The following SCHIP1 variants were observed in gnomAD, a reference collection of about 807,000 sequenced individuals.
SCHIP1 encodes schwannomin-interacting protein 1.
In SCHIP1, 8 loss-of-function variants were observed where a neutral mutation model predicts 29.7. That is an observed-to-expected ratio of 0.27 (90% CI 0.16 to 0.49). SCHIP1 has a LOEUF of 0.49. Ranked by LOEUF, SCHIP1 falls within the 20% of genes least tolerant of loss-of-function variation. The pLI, the probability that SCHIP1 is intolerant of heterozygous loss-of-function variation, is 0.99. For missense variants in SCHIP1, 193 were observed against 294.6 expected, an observed-to-expected ratio of 0.66 and a Z score of 2.52; for synonymous variants, 76 against 94.9, an observed-to-expected ratio of 0.80 and a Z score of 1.16.
intron 2 of SCHIP1, among the ~76,000 whole-genome samples, chr3:159,877,251 G>A (rs1715920118): frequency 6.6e-6 from 1 of 152,204 alleles, no homozygotes; most frequent in South Asian, 2.1e-4. Flanking sequence ...TCAGGAGGCT[G>A]AGGCAGGAGA....
the SCHIP1 span, among the ~76,000 whole-genome samples, chr3:159,505,934 G>C: frequency 1.3e-5 from 2 of 152,124 alleles, no homozygotes; most frequent in Non-Finnish European, 2.9e-5. Flanking sequence ...ATAAACATAC[G>C]TGTGCATGTC....
At chr3:159,470,738 A>C in the SCHIP1 span, among the ~76,000 whole-genome samples, 17 of 152,136 alleles carry the variant, frequency 1.1e-4, no homozygotes, top group Admixed American at 1.1e-3. Context: ...TATTTCATCA[A>C]CTGTCGAACC....
chr3:159,593,917 G>A, the SCHIP1 span, among the ~76,000 whole-genome samples: 2 of 152,122 alleles, frequency 1.3e-5, no homozygotes, highest in South Asian at 2.1e-4. Context: ...GCTCAGCTAG[G>A]GAGATGTGAT....
At chr3:159,441,791 G>C in the SCHIP1 span, among the ~76,000 whole-genome samples, 1 of 152,070 alleles carries the variant, frequency 6.6e-6, no homozygotes, top group Non-Finnish European at 1.5e-5. Flanking sequence ...AGATCAAGGA[G>C]AGTTTTGCAG....
intron 6 of SCHIP1, among the ~76,000 whole-genome samples, chr3:159,895,023 G>C (rs940208220): frequency 6.6e-6 from 1 of 152,188 alleles, no homozygotes; most frequent in Non-Finnish European, 1.5e-5. Context: ...AAAAATTACT[G>C]TGAGAACTGT....
chr3:159,302,234 A>G, the SCHIP1 span, among the ~76,000 whole-genome samples: 3 of 152,196 alleles, frequency 2.0e-5, no homozygotes, highest in Admixed American at 6.5e-5. Flanking sequence ...CCTATGTTCT[A>G]TTGGCTAGGA....
At chr3:159,346,445 G>GA in the SCHIP1 span, among the ~76,000 whole-genome samples, 42 of 151,732 alleles carry the variant, frequency 2.8e-4, no homozygotes, top group South Asian at 2.5e-3. Context: ...TATGGTTTAG[G>GA]AAAAAAATGA....
At chr3:159,276,522 A>G in the SCHIP1 span, among the ~76,000 whole-genome samples, 7 of 152,178 alleles carry the variant, frequency 4.6e-5, no homozygotes, top group African/African-American at 1.7e-4. Flanking sequence ...GTCCTCAGTT[A>G]CTACATTTTA....
the SCHIP1 span, among the ~76,000 whole-genome samples, chr3:159,471,491 C>T: frequency 6.6e-6 from 1 of 151,860 alleles, no homozygotes; most frequent in African/African-American, 2.4e-5. Flanking sequence ...AGTATCAAAT[C>T]TTTAAAATTA....
At chr3:159,821,506 T>C in the SCHIP1 span, among the ~76,000 whole-genome samples, 2 of 152,218 alleles carry the variant, frequency 1.3e-5, no homozygotes, top group Non-Finnish European at 2.9e-5. Context: ...CTGAACGCAA[T>C]TGCCATCAAC....
chr3:159,493,845 G>C, the SCHIP1 span, among the ~76,000 whole-genome samples: 1 of 152,150 alleles, frequency 6.6e-6, no homozygotes. Context: ...CGACTACATA[G>C]TTGGAAGTAA....
chr3:159,888,659 A>T, intron 4 of SCHIP1, 161 bp from the exon 6 acceptor site: 1 of 1,007,298 alleles, frequency 9.9e-7, no homozygotes, highest in South Asian at 1.8e-5. Flanking sequence ...TGTAGTGTGG[A>T]TGTAGGGCCC....
At chr3:159,735,977 T>C in the SCHIP1 span, among the ~76,000 whole-genome samples, 3 of 152,086 alleles carry the variant, frequency 2.0e-5, no homozygotes, top group African/African-American at 7.2e-5. Flanking sequence ...ATAACACTTA[T>C]GCACGTGGTT....
the SCHIP1 span, among the ~76,000 whole-genome samples, chr3:159,342,390 G>A: frequency 6.6e-6 from 1 of 152,014 alleles, no homozygotes; most frequent in Non-Finnish European, 1.5e-5. Flanking sequence ...ATTGCTCCTG[G>A]AAAAAAGAAA....
chr3:159,520,964 T>C, the SCHIP1 span, among the ~76,000 whole-genome samples: 6 of 152,254 alleles, frequency 3.9e-5, no homozygotes, highest in African/African-American at 1.4e-4. Context: ...TTTAAACCCA[T>C]GTGATGTAAC....
chr3:159,413,715 T>C, the SCHIP1 span, among the ~76,000 whole-genome samples: 1 of 152,188 alleles, frequency 6.6e-6, no homozygotes, highest in African/African-American at 2.4e-5. Context: ...GGCATTGACC[T>C]GGCTACCTTT....
At chr3:159,655,946 G>A in the SCHIP1 span, among the ~76,000 whole-genome samples, 1 of 152,206 alleles carries the variant, frequency 6.6e-6, no homozygotes, top group Non-Finnish European at 1.5e-5. Context: ...TGCTTTGACA[G>A]TTAATGGACT....
the SCHIP1 span, among the ~76,000 whole-genome samples, chr3:159,628,673 A>G: frequency 2.6e-5 from 4 of 152,206 alleles, no homozygotes; most frequent in Non-Finnish European, 4.4e-5. Context: ...ATTTAAACCC[A>G]GAATTTAGGA....
At chr3:159,462,482 T>C in the SCHIP1 span, among the ~76,000 whole-genome samples, 3 of 152,150 alleles carry the variant, frequency 2.0e-5, no homozygotes, top group Non-Finnish European at 4.4e-5. Context: ...ACCATCACTC[T>C]TGTCAAGTCT....
Sources: allele counts gnomAD v4.1 joint callset (sites outside exome capture counted in the v4.1 genomes callset), GRCh38; gene constraint gnomAD v4.1.1; transcripts MANE v1.5; gene names NCBI Gene and HGNC (gene_info 2026-07-23, HGNC 2026-07-21).